CLIC2: variants seen among roughly 807,000 people sequenced by gnomAD.
The protein encoded by CLIC2 is chloride intracellular channel protein 2.
CLIC2 carries 9 observed loss-of-function variants against 14.8 expected under a neutral mutation model. That is an observed-to-expected ratio of 0.61 (90% confidence interval 0.37 to 1.06). The LOEUF is 1.06. Ranked by LOEUF, CLIC2 falls within the 50% of genes least tolerant of loss-of-function variation. The probability of loss-of-function intolerance (pLI) is 0.01; values close to 1 mark genes in which losing one functional copy is unlikely to be tolerated. For missense variants in CLIC2, 148 were observed against 181.4 expected (o/e 0.82, Z 1.06); for synonymous variants, 61 against 66.3 (o/e 0.92, Z 0.39).
At chrX:155,312,733 T>C (rs1314141148) in intron 1 of CLIC2, among the ~76,000 whole-genome samples, 10 of 112,052 alleles carry the variant, frequency 8.9e-5, no homozygotes, top group Admixed American at 7.6e-4. Context: ...AGGAATAGCA[T>C]TGAATCTATA....
chrX:155,289,491 TTAAAG>T (rs1398072941), intron 3 of CLIC2, among the ~76,000 whole-genome samples: 3 of 112,138 alleles, frequency 2.7e-5, no homozygotes, highest in African/African-American at 9.7e-5. Flanking sequence ...TACTAGGACT[TTAAAG>T]TAATTTTAAA....
chrX:155,292,553 G>T, intron 3 of CLIC2: 1 of 431,012 alleles, frequency 2.3e-6, no homozygotes, highest in South Asian at 3.3e-5. Context: ...GGCAGATCAC[G>T]AGGTCAGGAG....
At chrX:155,282,961 G>A (rs1465743682) in intron 3 of CLIC2, among the ~76,000 whole-genome samples, 1 of 111,008 alleles carries the variant, frequency 9.0e-6, no homozygotes, top group Admixed American at 9.5e-5. Flanking sequence ...GGCCATCCCT[G>A]GTGGCCCCAG....
chrX:155,310,236 G>T (rs2075069168), intron 1 of CLIC2: 1 of 130,882 alleles, frequency 7.6e-6, no homozygotes, highest in African/African-American at 3.2e-5. Context: ...GGTTCCCATT[G>T]TCTTGGGTTT....
At chrX:155,299,292 G>A (rs1252892618) in intron 1 of CLIC2, 147 bp from the exon 2 acceptor site, 2 of 460,018 alleles carry the variant, frequency 4.3e-6, no homozygotes, top group Non-Finnish European at 7.6e-6. Context: ...AGAGATATAG[G>A]GAAGCAAATA....
intron 3 of CLIC2, chrX:155,291,097 G>A: frequency 1.0e-6 from 1 of 958,382 alleles, no homozygotes; most frequent in East Asian, 3.1e-5. Context: ...TGACGGACAT[G>A]AGAATGATCT....
At chrX:155,300,251 T>A (rs1306335371) in intron 1 of CLIC2, among the ~76,000 whole-genome samples, 8 of 110,585 alleles carry the variant, frequency 7.2e-5, no homozygotes, top group African/African-American at 2.0e-4. Flanking sequence ...GTTTCCTGAC[T>A]TTTTAATGAT....
chrX:155,321,125 G>C (rs1341402811), intron 1 of CLIC2, among the ~76,000 whole-genome samples: 1 of 112,025 alleles, frequency 8.9e-6, no homozygotes, highest in Non-Finnish European at 1.9e-5. Flanking sequence ...ATGGAACCAA[G>C]TTGGAAAACA....
intron 3 of CLIC2, chrX:155,292,162 A>C: frequency 1.8e-6 from 1 of 567,579 alleles, no homozygotes; most frequent in Non-Finnish European, 3.2e-6. Context: ...AAACAGGAGA[A>C]TACTATATGC....
chrX:155,279,097 T>C, intron 5 of CLIC2, 52 bp downstream of exon 5: 1 of 1,050,299 alleles, frequency 9.5e-7, no homozygotes, highest in Non-Finnish European at 1.3e-6. Context: ...TGCTTTGTGC[T>C]GGCAACTGGC....
At chrX:155,297,347 G>A (rs1375628301) in intron 3 of CLIC2, among the ~76,000 whole-genome samples, 1 of 110,549 alleles carries the variant, frequency 9.0e-6, no homozygotes, top group Non-Finnish European at 1.9e-5. Context: ...AGAGAAGTGT[G>A]TTAAAAAGTA....
At chrX:155,280,990 GAT>G (rs373277985) in intron 3 of CLIC2, among the ~76,000 whole-genome samples, 2,927 of 89,817 alleles carry the variant, frequency 0.033, 138 homozygotes, top group African/African-American at 0.11. Context: ...GAAATTGTGA[GAT>G]ATATATATAT....
At chrX:155,314,556 C>T (rs1225974643) in intron 1 of CLIC2, among the ~76,000 whole-genome samples, 1 of 111,878 alleles carries the variant, frequency 8.9e-6, no homozygotes, top group East Asian at 2.8e-4. Context: ...AAGGGACCAC[C>T]CCGTGGGAGA....
chrX:155,279,070 G>A (rs1030733847), intron 5 of CLIC2, 79 bp downstream of exon 5: 60 of 736,357 alleles, frequency 8.1e-5, no homozygotes, highest in East Asian at 3.8e-4. Context: ...TAATAATACC[G>A]CACTGGAAGG....
At chrX:155,291,439 T>C (rs2074964790) in intron 3 of CLIC2, 1 of 461,265 alleles carries the variant, frequency 2.2e-6, no homozygotes, top group Non-Finnish European at 4.0e-6. Flanking sequence ...GTTTTCTAGA[T>C]ATGGAATCAT....
At chrX:155,308,773 G>A (rs1231372448) in intron 1 of CLIC2, among the ~76,000 whole-genome samples, 6 of 111,768 alleles carry the variant, frequency 5.4e-5, no homozygotes, top group Non-Finnish European at 1.1e-4. Flanking sequence ...TGAAGGTGTT[G>A]AAAGAAAAAC....
intron 1 of CLIC2, among the ~76,000 whole-genome samples, chrX:155,329,935 A>G (rs2075150986): frequency 9.0e-6 from 1 of 111,503 alleles, no homozygotes; most frequent in Admixed American, 9.6e-5. Flanking sequence ...TAAGCCAGGC[A>G]CAGAAAGACA....
chrX:155,288,266 T>C (rs1484770855), intron 3 of CLIC2, among the ~76,000 whole-genome samples: 4 of 112,171 alleles, frequency 3.6e-5, no homozygotes, highest in Non-Finnish European at 7.5e-5. Context: ...TTATTGGGAA[T>C]ATGTTATTCA....
At chrX:155,312,898 C>T (rs1254415896) in intron 1 of CLIC2, among the ~76,000 whole-genome samples, 2 of 110,584 alleles carry the variant, frequency 1.8e-5, no homozygotes, top group Non-Finnish European at 3.8e-5. Context: ...AAAAAGTGGG[C>T]AAATAACATG....
Sources: allele counts gnomAD v4.1 joint callset (sites outside exome capture counted in the v4.1 genomes callset), GRCh38; gene constraint gnomAD v4.1.1; transcripts MANE v1.5; gene names NCBI Gene and HGNC (gene_info 2026-07-23, HGNC 2026-07-21).